Variants in NISCH observed in about 807,000 individuals in gnomAD.
The protein encoded by NISCH is I-1 receptor candidate protein.
A neutral mutation model predicts 138.4 loss-of-function variants in NISCH; 55 were observed. The ratio of observed to expected loss-of-function variants is 0.40; its 90% CI spans 0.32 to 0.50. The LOEUF (loss-of-function observed/expected upper bound fraction) is 0.50. Among genes scored for constraint, NISCH ranks in the 20% least tolerant of loss-of-function variants. The pLI is 0.71. For synonymous variants in NISCH, 860 were observed against 861.5 expected (o/e 1.00, Z 0.03); for missense variants, 1,643 against 2,005.5 (o/e 0.82, Z 3.45).
chr3:52,459,811 T>C (rs899126786), intron 3 of NISCH, among the ~76,000 whole-genome samples: 1 of 151,772 alleles, frequency 6.6e-6, no homozygotes, highest in Non-Finnish European at 1.5e-5. Context: ...AAAAAGGATA[T>C]ATGAACAAAG....
intron 1 of NISCH, among the ~76,000 whole-genome samples, chr3:52,456,578 T>C (rs1222877206): frequency 6.6e-6 from 1 of 152,214 alleles, no homozygotes; most frequent in African/African-American, 2.4e-5. Context: ...TCCTCCCCTT[T>C]GTTCCCGCAG....
intron 17 of NISCH, 34 bp downstream of exon 17, chr3:52,489,712 C>T (rs780472608): frequency 1.4e-5 from 22 of 1,594,224 alleles, no homozygotes; most frequent in African/African-American, 2.7e-5. Flanking sequence ...AGCTATGGCA[C>T]GGCCAGTCCT....
At position 52,492,468 on chromosome 3, in the gene NISCH, G is replaced by A. The variant is rs1456742069; in HGVS notation, c.4501G>A (p.Glu1501Lys). ...CCTGTGTGGCCGTGAGCTGCCTGTC[G>A]AGCTCACCGGCTAGCCCAGGCCACA... The part of the protein sequence containing the change: ...EALCGRELPV[E>K]LTG Residue 1501 changes from glutamate (E) to lysine (K), a missense_variant, in exon 21 of 21, where the codon GAG (glutamate) becomes AAG (lysine). Glu to Lys is a moderately conservative substitution (Grantham distance 56). Coordinates refer to ENST00000345716, the MANE Select transcript of NISCH (RefSeq NM_007184.4). 3 of 1,601,660 alleles carry A rather than the reference G, an allele frequency of 1.9e-6. No individual in the cohort carries two copies. The highest frequency in any genetic ancestry group is 1.7e-5 in the Admixed American group (1 of 59,566).
At chr3:52,491,565 G>GGCCCCAGGGTGGCTCTCTGT in intron 20 of NISCH, 52 bp downstream of exon 20, 1 of 1,559,264 alleles carries the variant, frequency 6.4e-7, no homozygotes. Flanking sequence ...AGACGTCATG[G>GGCCCCAGGGTGGCTCTCTGT]GCCCCAGGGT....
At chr3:52,485,973 C>G in intron 15 of NISCH, 146 bp downstream of exon 15, 2 of 711,232 alleles carry the variant, frequency 2.8e-6, no homozygotes, top group Non-Finnish European at 4.9e-6. Flanking sequence ...TAAAGAGACA[C>G]AGATGAGATG....
intron 3 of NISCH, among the ~76,000 whole-genome samples, chr3:52,468,334 T>C (rs1460861313): frequency 1.3e-5 from 2 of 152,196 alleles, no homozygotes; most frequent in African/African-American, 4.8e-5. Flanking sequence ...CTGAGATAAC[T>C]GTAAGAGCCT....
intron 20 of NISCH, 175 bp from the exon 21 acceptor site, chr3:52,491,697 T>C (rs1707569430): frequency 3.8e-6 from 4 of 1,058,588 alleles, no homozygotes; most frequent in Non-Finnish European, 4.1e-6. Context: ...CTCAACCATC[T>C]GGCAGACACA....
At position 52,492,386 on chromosome 3, in the gene NISCH, C is replaced by A; in HGVS notation, c.4419C>A (p.Val1473=). ...QGREVQWQVF[V]PSAESREKLI... ...GTGAAGTCCAGTGGCAGGTGTTTGT[C>A]CCCAGTGCTGAGAGCAGAGAGAAGC... Residue 1473 remains valine, a synonymous_variant, in exon 21 of 21, where the codon GTC becomes GTA. Transcript: ENST00000345716. 6.2e-7 allele frequency: 1 copy of A among 1,613,086 alleles called. No individual in the cohort carries two copies. Among genetic ancestry groups the A allele is most frequent in the Non-Finnish European group, 8.5e-7 (1 of 1,180,008 alleles).
chr3:52,460,774 C>T (rs1040572896), intron 3 of NISCH, among the ~76,000 whole-genome samples: 7 of 152,100 alleles, frequency 4.6e-5, no homozygotes, highest in East Asian at 1.9e-4. Context: ...AGAAGGTTTA[C>T]GTATACCAAA....
intron 13 of NISCH, among the ~76,000 whole-genome samples, chr3:52,482,266 G>T (rs976710925): frequency 6.6e-6 from 1 of 152,212 alleles, no homozygotes; most frequent in African/African-American, 2.4e-5. Context: ...CCTGATTCCC[G>T]AGAAGGGAGC....
At chr3:52,485,718 A>G in intron 14 of NISCH, 60 bp from the exon 15 acceptor site, 2 of 1,539,000 alleles carry the variant, frequency 1.3e-6, no homozygotes, top group Non-Finnish European at 1.8e-6. Flanking sequence ...TCTGGCAACC[A>G]GTAAATGGCT....
rs80070585 is a variant in NISCH, at chr3:52,462,463, C to G, written c.360+3619C>G. Among the ~76,000 whole-genome samples the G allele has an allele frequency of 4.9e-3, 741 of 152,286 alleles. 3 individuals carry two copies. Among genetic ancestry groups the G allele is most frequent in the Middle Eastern group, 0.034 (10 of 294 alleles). On this transcript the variant is annotated intron_variant, in intron 3 of 20. Transcript: ENST00000345716. ...ACTGGATTAGATCTTCATTTGGGGC[C>G]TAAAGATTTGTCAGCCTTTTCTCCA...
At chr3:52,477,209 A>G (rs1707121761) in intron 8 of NISCH, among the ~76,000 whole-genome samples, 1 of 152,220 alleles carries the variant, frequency 6.6e-6, no homozygotes, top group South Asian at 2.1e-4. Flanking sequence ...CCCATGAAAG[A>G]ATGACACCCA....
chr3:52,468,836 A>G lies in NISCH; in HGVS notation c.361-2023A>G, dbSNP rs186935781. ...GAATAAACACATTTTTTAAAGAACCAAAAGAAAATTAAGAGAATATTTTTA... is the reference window on the plus strand; with the variant it reads ...GAATAAACACATTTTTTAAAGAACCGAAAGAAAATTAAGAGAATATTTTTA... On this transcript the variant is annotated intron_variant, in intron 3 of 20. Coordinates refer to ENST00000345716, the MANE Select transcript of NISCH (RefSeq NM_007184.4). Among the ~76,000 whole-genome samples, 3 of 152,328 alleles carry G rather than the reference A, an allele frequency of 2.0e-5. No homozygotes were observed. In the East Asian group the frequency reaches 5.8e-4, roughly 29 times the overall value.
Position 52,491,789 on chromosome 3 carries a change from C to T in NISCH, c.3905-83C>T, listed in dbSNP as rs1707570629. The T allele has an allele frequency of 5.4e-6, 8 of 1,489,660 alleles. No individual in the cohort carries two copies. The East Asian group carries it at 1.8e-4, about 34-fold the overall frequency. The allele number at this position is 1,489,660 out of a possible 1,614,324, so 92.3% of individuals were successfully genotyped here. A position where few individuals can be genotyped will look rare whatever the true frequency, so the allele number is the denominator to read the frequency against. On this transcript the variant is annotated intron_variant, in intron 20 of 20. Coordinates refer to ENST00000345716, the MANE Select transcript of NISCH (RefSeq NM_007184.4). Reference sequence around the variant, plus strand: ...TCCTGCCTGTCTCATGCCGGGGTCTCTCGGTTGGCTTGGGGCCCTTGGTGC... The same window carrying T: ...TCCTGCCTGTCTCATGCCGGGGTCTTTCGGTTGGCTTGGGGCCCTTGGTGC...
rs980675339 is a variant in NISCH at position 52,471,693 on chromosome 3, G to A, written c.410-121G>A. 5.8e-6 allele frequency: 7 copies of A among 1,198,974 alleles called. No individual in the cohort carries two copies. The African/African-American group carries it at 1.0e-4, about 18-fold the overall frequency. 74.3% of individuals were successfully genotyped at this position (1,198,974 alleles called of 1,614,324 possible). On this transcript the variant is annotated intron_variant, in intron 4 of 20. Coordinates refer to ENST00000345716, the MANE Select transcript of NISCH (RefSeq NM_007184.4). ...CAGCTCCTGCATGCCCAGGGCGCTG[G>A]CTTTGCCCTGACACAGTGGGTGCTT... is the stretch of plus-strand genomic sequence containing the variant.
chr3:52,488,433 G>A lies in NISCH; in HGVS notation c.2941G>A (p.Val981Ile), dbSNP rs760792649. 8.1e-6 allele frequency: 13 copies of A among 1,613,780 alleles called. No homozygotes were observed. Among genetic ancestry groups the A allele is most frequent in the Non-Finnish European group, 1.1e-5 (13 of 1,180,008 alleles). The part of the protein sequence containing the change: ...VLELLVGYRF[V>I]TAIFVLPHEK... ...AGAGCTGCTCGTGGGGTACCGCTTT[G>A]TCACTGCCATCTTCGTGCTGCCCCA... Residue 981 changes from valine (V) to isoleucine (I), a missense_variant, in exon 16 of 21, where the codon GTC (valine) becomes ATC (isoleucine). Coordinates refer to ENST00000345716, the MANE Select transcript of NISCH (RefSeq NM_007184.4).
At position 52,490,773 on chromosome 3, in the gene NISCH, A is replaced by T; in HGVS notation, c.3682A>T (p.Lys1228Ter). ...PFHISQCFVL[K>*]LSDLQSVNVG... ...CCACATCTCCCAGTGCTTCGTGCTA[A>T]AGCTTAGTGACCTGCAGTCAGTCAA... is the stretch of plus-strand genomic sequence containing the variant. The change falls in exon 19 of 21, where the codon AAG becomes TAG. Residue 1228 changes from lysine (K) to a stop codon, truncating the protein, a stop_gained. Coordinates refer to ENST00000345716, the MANE Select transcript of NISCH (RefSeq NM_007184.4). LOFTEE classifies it high-confidence loss of function. The T allele has an allele frequency of 6.2e-7, 1 of 1,614,196 alleles. No homozygotes were observed. The highest frequency in any genetic ancestry group is 8.5e-7 in the Non-Finnish European group (1 of 1,180,024).
intron 4 of NISCH, 62 bp downstream of exon 4, chr3:52,470,969 G>A: frequency 6.4e-7 from 1 of 1,564,470 alleles, no homozygotes; most frequent in Non-Finnish European, 8.8e-7. Context: ...GAGGCGGCCA[G>A]AGGCACAGGA....
Sources: allele counts gnomAD v4.1 joint callset (sites outside exome capture counted in the v4.1 genomes callset), GRCh38; gene constraint gnomAD v4.1.1; transcripts MANE v1.5; gene names NCBI Gene and HGNC (gene_info 2026-07-23, HGNC 2026-07-21).